The following CADPS variants were observed in gnomAD, a reference collection of about 807,000 sequenced individuals.
CADPS encodes calcium dependent secretion activator, also known as calcium-dependent secretion activator 1.
Under a neutral mutation model 167.3 loss-of-function variants are expected in CADPS, and 57 were observed. That is an observed-to-expected ratio of 0.34 (90% confidence interval 0.28 to 0.42). The LOEUF (loss-of-function observed/expected upper bound fraction) is 0.42, where lower values mean the gene tolerates loss of function less well. Ranked by LOEUF, CADPS falls within the 20% of genes least tolerant of loss-of-function variation. CADPS has a pLI of 1.00. For missense variants in CADPS, 1,414 were observed against 1,738.1 expected, an observed-to-expected ratio of 0.81 and a Z score of 3.32; for synonymous variants, 676 against 635.3, an observed-to-expected ratio of 1.06 and a Z score of -0.96.
chr3:62,658,392 G>A (rs1014537572), intron 4 of CADPS, among the ~76,000 whole-genome samples: 30 of 152,014 alleles, frequency 2.0e-4, no homozygotes, highest in African/African-American at 6.3e-4. Context: ...ATGGATCCTT[G>A]GATTGGTATG....
chr3:62,587,137 T>C (rs2084820223), intron 7 of CADPS, among the ~76,000 whole-genome samples: 1 of 152,236 alleles, frequency 6.6e-6, no homozygotes, highest in African/African-American at 2.4e-5. Context: ...CACCATTTTC[T>C]TGTTTGCCAG....
intron 4 of CADPS, 85 bp from the exon 5 acceptor site, chr3:62,651,165 T>C (rs2070019983): frequency 2.3e-6 from 2 of 871,848 alleles, no homozygotes; most frequent in African/African-American, 1.7e-5. Context: ...GGCCCAGAGT[T>C]AGAATCACAT....
intron 3 of CADPS, among the ~76,000 whole-genome samples, chr3:62,708,854 C>T (rs908348985): frequency 1.3e-5 from 2 of 151,890 alleles, no homozygotes; most frequent in African/African-American, 2.4e-5. Context: ...AAGAGCATTT[C>T]GACTTTCAGG....
intron 13 of CADPS, among the ~76,000 whole-genome samples, chr3:62,531,871 G>A (rs937546850): frequency 2.4e-4 from 37 of 152,172 alleles, no homozygotes; most frequent in African/African-American, 8.9e-4. Context: ...TTGCTGCTTT[G>A]CATTATTCAG....
At chr3:62,549,169 G>C (rs1193356383) in intron 11 of CADPS, among the ~76,000 whole-genome samples, 1 of 152,132 alleles carries the variant, frequency 6.6e-6, no homozygotes, top group Admixed American at 6.5e-5. Context: ...TGAATGTTTG[G>C]AACGAAAATG....
intron 24 of CADPS, among the ~76,000 whole-genome samples, chr3:62,468,259 T>C (rs1488321826): frequency 2.6e-5 from 4 of 152,284 alleles, no homozygotes; most frequent in Non-Finnish European, 4.4e-5. Context: ...CATGCTTACT[T>C]TTCCTCCTCA....
At chr3:62,727,225 G>A (rs2076908354) in intron 3 of CADPS, among the ~76,000 whole-genome samples, 1 of 151,770 alleles carries the variant, frequency 6.6e-6, no homozygotes, top group East Asian at 1.9e-4. Context: ...CTTCAAACTA[G>A]AAGCTTCAAA....
intron 13 of CADPS, among the ~76,000 whole-genome samples, chr3:62,525,663 C>T (rs952213582): frequency 7.3e-6 from 1 of 136,608 alleles, no homozygotes; most frequent in African/African-American, 3.0e-5. Flanking sequence ...TGAGAAGCAC[C>T]GGATGTAATG....
chr3:62,685,717 C>T (rs548903474), intron 3 of CADPS, among the ~76,000 whole-genome samples: 109 of 8,706 alleles, frequency 0.013, no homozygotes, highest in African/African-American at 0.047. Flanking sequence ...GGGATGGTTT[C>T]GGGATGAAAC....
chr3:62,786,898 T>C (rs1274106941), intron 1 of CADPS, among the ~76,000 whole-genome samples: 1 of 152,210 alleles, frequency 6.6e-6, no homozygotes, highest in African/African-American at 2.4e-5. Flanking sequence ...GTGGGTAGAA[T>C]TGAAACACAG....
chr3:62,800,728 A>T (rs1319912939), intron 1 of CADPS, among the ~76,000 whole-genome samples: 8 of 152,160 alleles, frequency 5.3e-5, no homozygotes, highest in Admixed American at 2.6e-4. Flanking sequence ...ATTTTGTTAA[A>T]TGTGTTTCTT....
intron 6 of CADPS, among the ~76,000 whole-genome samples, chr3:62,642,225 T>G (rs1369417178): frequency 6.6e-6 from 1 of 152,084 alleles, no homozygotes; most frequent in Non-Finnish European, 1.5e-5. Flanking sequence ...ATTTGAGTAA[T>G]AAACAAAACA....
At chr3:62,726,639 T>C (rs1564369710) in intron 3 of CADPS, among the ~76,000 whole-genome samples, 2 of 151,956 alleles carry the variant, frequency 1.3e-5, no homozygotes, top group Non-Finnish European at 2.9e-5. Context: ...ATGCAGGGGA[T>C]ATGCGATAGC....
intron 26 of CADPS, among the ~76,000 whole-genome samples, chr3:62,451,368 G>T (rs2058021250): frequency 6.6e-6 from 1 of 152,214 alleles, no homozygotes; most frequent in South Asian, 2.1e-4. Context: ...TTGATAGGGA[G>T]CGCGGCAGGG....
chr3:62,619,656 G>A (rs1351664133), intron 6 of CADPS, among the ~76,000 whole-genome samples: 1 of 152,088 alleles, frequency 6.6e-6, no homozygotes, highest in Non-Finnish European at 1.5e-5. Context: ...ATAGCAATCA[G>A]GAAAGACCAT....
At chr3:62,664,499 T>TG (rs1171224986) in intron 3 of CADPS, among the ~76,000 whole-genome samples, 1 of 152,226 alleles carries the variant, frequency 6.6e-6, no homozygotes, top group Non-Finnish European at 1.5e-5. Context: ...GTGTCCTCAG[T>TG]GCTGTTTTTA....
chr3:62,809,079 CCTA>C (rs2094262965), intron 1 of CADPS, among the ~76,000 whole-genome samples: 1 of 152,174 alleles, frequency 6.6e-6, no homozygotes, highest in Non-Finnish European at 1.5e-5. Context: ...TAGCTCAGAT[CCTA>C]CTACCTCTGT....
intron 10 of CADPS, among the ~76,000 whole-genome samples, chr3:62,554,192 A>T (rs1396274697): frequency 6.6e-6 from 1 of 152,210 alleles, no homozygotes; most frequent in African/African-American, 2.4e-5. Flanking sequence ...ATTATTTCAA[A>T]CTTTCCAAAC....
At position 62,465,473 on chromosome 3, in the gene CADPS, A is replaced by G. The variant is rs1161450541; in HGVS notation, c.3553-23T>C. ...GAACTAGAAAAACAGCAAAAAAGAA[A>G]AAAATGTTATTTCAAACTATAATTG... On this transcript the variant is annotated intron_variant, in intron 25 of 29. Coordinates refer to ENST00000383710, the MANE Select transcript of CADPS (RefSeq NM_003716.4). The surrounding 1 kb of genome is among the most constrained non-coding windows in gnomAD (Gnocchi z 4.1). 1.2e-5 allele frequency: 18 copies of G among 1,523,208 alleles called. No homozygotes were observed. Among genetic ancestry groups the G allele is most frequent in the Non-Finnish European group, 1.5e-5 (17 of 1,106,824 alleles). 94.4% of individuals were successfully genotyped at this position (1,523,208 alleles called of 1,614,324 possible).
Sources: allele counts gnomAD v4.1 joint callset (sites outside exome capture counted in the v4.1 genomes callset), GRCh38; gene constraint gnomAD v4.1.1; non-coding constraint Gnocchi (gnomAD v3.1); transcripts MANE v1.5; gene names NCBI Gene and HGNC (gene_info 2026-07-23, HGNC 2026-07-21).